Variants in DNAJC15 observed in about 807,000 individuals in gnomAD.
The protein encoded by DNAJC15 is dnaJ homolog subfamily C member 15.
In DNAJC15, 27 loss-of-function variants were observed where a neutral mutation model predicts 22.4. That is an observed-to-expected ratio of 1.20 (90% CI 0.89 to 1.66). The LOEUF is 1.66. Ranked by LOEUF, DNAJC15 falls within the 40% of genes most tolerant of loss-of-function variation. DNAJC15 has a pLI of 0.00. For missense variants in DNAJC15, 208 were observed against 187.1 expected (o/e 1.11, Z -0.65); for synonymous variants, 79 against 63.2 (o/e 1.25, Z -1.19).
In DNAJC15 at chr13:43,111,809, G is replaced by A. The variant is rs567984163; in HGVS notation, c.*4561G>A. ...ATGAGTAAATGTGTCAGCATAGTCCGTCCCTTCTAATGGAAAAGCAACCCA... is the reference window on the plus strand; with the variant it reads ...ATGAGTAAATGTGTCAGCATAGTCCATCCCTTCTAATGGAAAAGCAACCCA... On this transcript the variant is annotated 3_prime_UTR_variant, in exon 6 of 6. Transcript: ENST00000379221. 7.2e-5 allele frequency: 11 copies of A among 152,144 alleles called. No individual in the cohort carries two copies. Among genetic ancestry groups the A allele is most frequent in the Admixed American group, 1.3e-4 (2 of 15,280 alleles). The allele number at this position is 152,144 out of a possible 1,614,324, so 9.4% of individuals were successfully genotyped here.
chr13:43,064,372 T>A (rs922353271), intron 1 of DNAJC15, among the ~76,000 whole-genome samples: 1 of 152,234 alleles, frequency 6.6e-6, no homozygotes, highest in Non-Finnish European at 1.5e-5. Flanking sequence ...TGCCAATGGC[T>A]GAATGGCTTT....
rs555500899 is a variant in DNAJC15 at position 43,110,742 on chromosome 13, G to A, written c.*3494G>A. 3.7e-4 allele frequency: 56 copies of A among 152,196 alleles called. No homozygotes were observed. The highest frequency in any genetic ancestry group is 6.8e-3 in the Middle Eastern group (2 of 294). 9.4% of individuals were successfully genotyped at this position (152,196 alleles called of 1,614,324 possible). A position where few individuals can be genotyped will look rare whatever the true frequency, so the allele number is the denominator to read the frequency against. ...CTCTCTGAGAGCAAGGATCATATCA[G>A]TCTTGTTTATTGTTGCAGTGAACAA... is the stretch of plus-strand genomic sequence containing the variant. On this transcript the variant is annotated 3_prime_UTR_variant, in exon 6 of 6. Transcript: ENST00000379221.
chr13:43,025,795 T>G (rs1326577833), intron 1 of DNAJC15, among the ~76,000 whole-genome samples: 1 of 151,988 alleles, frequency 6.6e-6, no homozygotes, highest in African/African-American at 2.4e-5. Context: ...TTCCAGCTAG[T>G]AGGGAGGCTG....
intron 1 of DNAJC15, among the ~76,000 whole-genome samples, chr13:43,061,266 AGTGGGTGGGAGTG>A (rs1359873558): frequency 2.0e-5 from 3 of 151,954 alleles, no homozygotes; most frequent in Non-Finnish European, 4.4e-5. Flanking sequence ...TCAGTGGGGG[AGTGGGTGGGAGTG>A]GTCAGATGAG....
intron 1 of DNAJC15, among the ~76,000 whole-genome samples, chr13:43,064,916 A>G (rs1469074943): frequency 1.3e-5 from 2 of 151,914 alleles, no homozygotes; most frequent in Non-Finnish European, 2.9e-5. Flanking sequence ...ACCTAAATCT[A>G]AGGGAGGCTT....
rs1025620132 is a variant in DNAJC15, at chr13:43,111,499, T to G, written c.*4251T>G. ...GGGAACCTTGAACACAGAAAAGAGC[T>G]TTTATTGATAAGGTAATTGAACACA... is the stretch of plus-strand genomic sequence containing the variant. On this transcript the variant is annotated 3_prime_UTR_variant, in exon 6 of 6. Transcript: ENST00000379221. The G allele has an allele frequency of 6.6e-6, 1 of 152,178 alleles. No individual in the cohort carries two copies. The highest frequency in any genetic ancestry group is 6.5e-5 in the Admixed American group (1 of 15,278). 9.4% of individuals were successfully genotyped at this position (152,178 alleles called of 1,614,324 possible).
At chr13:43,086,322 G>T (rs1265392903) in intron 5 of DNAJC15, among the ~76,000 whole-genome samples, 3 of 152,176 alleles carry the variant, frequency 2.0e-5, no homozygotes. Context: ...GGTTTTTAAT[G>T]TAAATTTATC....
chr13:43,077,431 A>C (rs1333445901), intron 3 of DNAJC15, among the ~76,000 whole-genome samples: 1 of 152,210 alleles, frequency 6.6e-6, no homozygotes, highest in Non-Finnish European at 1.5e-5. Flanking sequence ...CCAATCTCAC[A>C]ATAACCTCTA....
rs997039411 is a variant in DNAJC15 at position 43,023,706 on chromosome 13, C to T, written c.80C>T (p.Pro27Leu). The stretch of plus-strand genomic sequence containing the variant: ...TACTTGCAGCCCTCGGCCAAACGGC[C>T]AGACGCCGACGTCGACCAGCAGAGA... ...AEYLQPSAKR[P>L]DADVDQQRLV... Residue 27 changes from proline to leucine, a missense_variant, in exon 1 of 6, where the codon CCA becomes CTA. Transcript: ENST00000379221. 11 of 1,611,792 alleles carry T rather than the reference C, an allele frequency of 6.8e-6. No individual in the cohort carries two copies. Among genetic ancestry groups the T allele is most frequent in the Non-Finnish European group, 7.6e-6 (9 of 1,179,188 alleles).
At position 43,043,200 on chromosome 13, in the gene DNAJC15, C is replaced by G. The variant is rs562129971; in HGVS notation, c.108+19466C>G. On this transcript the variant is annotated intron_variant, in intron 1 of 5. Transcript: ENST00000379221. ...TGGCTCACTGCAAACCTCCGTCTCC[C>G]GGGTTCAAGCGAGTCTCCCCCCTCA... 8.5e-5 allele frequency among the ~76,000 whole-genome samples: 13 copies of G among 152,314 alleles called. No individual in the cohort carries two copies. The South Asian group carries it at 2.7e-3, about 32-fold the overall frequency.
At chr13:43,042,017 T>G (rs1406558711) in intron 1 of DNAJC15, among the ~76,000 whole-genome samples, 2 of 152,182 alleles carry the variant, frequency 1.3e-5, no homozygotes, top group Admixed American at 6.5e-5. Flanking sequence ...CTTTAATGGT[T>G]GGATGTTTAC....
At chr13:43,024,893 T>TACAAAAAAAAAAAAAAA (rs2040372592) in intron 1 of DNAJC15, among the ~76,000 whole-genome samples, 1 of 85,946 alleles carries the variant, frequency 1.2e-5, no homozygotes, top group African/African-American at 4.6e-5. Flanking sequence ...CCATCTCTGC[T>TACAAAAAAAAAAAAAAA]AAAAAAAAAA....
Position 43,112,799 on chromosome 13 carries a change from A to G in DNAJC15, c.*5551A>G, listed in dbSNP as rs1247970703. On this transcript the variant is annotated 3_prime_UTR_variant, in exon 6 of 6. Transcript: ENST00000379221. ...TCAGACTCTGAATCGCATGCTGTTT[A>G]TATTATATTGCACTCATTCTAAATA... 2 of 152,114 alleles carry G rather than the reference A, an allele frequency of 1.3e-5. No individual in the cohort carries two copies. The highest frequency in any genetic ancestry group is 2.4e-5 in the African/African-American group (1 of 41,408). The allele number at this position is 152,114 out of a possible 1,614,324, so 9.4% of individuals were successfully genotyped here. A position where few individuals can be genotyped will look rare whatever the true frequency, so the allele number is the denominator to read the frequency against.
chr13:43,102,743 A>T (rs1205677603), intron 5 of DNAJC15, among the ~76,000 whole-genome samples: 6 of 152,116 alleles, frequency 3.9e-5, no homozygotes, highest in Admixed American at 6.6e-5. Flanking sequence ...GTCTGATTTG[A>T]TAAGTGAGTA....
At chr13:43,045,610 G>C (rs138443687) in intron 1 of DNAJC15, among the ~76,000 whole-genome samples, 3,486 of 152,232 alleles carry the variant, frequency 0.023, 149 homozygotes, top group African/African-American at 0.08. Flanking sequence ...GGGTAACATC[G>C]GGTTCTAAGT....
intron 1 of DNAJC15, among the ~76,000 whole-genome samples, chr13:43,044,484 C>T (rs2040467375): frequency 6.6e-6 from 1 of 152,128 alleles, no homozygotes. Flanking sequence ...CTCTCACAGT[C>T]CTTGCAGCAA....
At chr13:43,060,968 G>C (rs1426875056) in intron 1 of DNAJC15, among the ~76,000 whole-genome samples, 1 of 152,178 alleles carries the variant, frequency 6.6e-6, no homozygotes, top group East Asian at 1.9e-4. Flanking sequence ...TCCTGGGCAG[G>C]GGCAAATCCC....
intron 4 of DNAJC15, among the ~76,000 whole-genome samples, chr13:43,080,849 T>A (rs891774822): frequency 2.6e-5 from 4 of 152,244 alleles, no homozygotes; most frequent in African/African-American, 9.6e-5. Context: ...TCCTAACACA[T>A]TAAGTGGAAA....
At chr13:43,091,688 C>A (rs901407697) in intron 5 of DNAJC15, among the ~76,000 whole-genome samples, 1 of 141,750 alleles carries the variant, frequency 7.1e-6, no homozygotes, top group African/African-American at 2.5e-5. Flanking sequence ...AGTTTATTTG[C>A]TGTTCTTTTT....
Sources: gnomAD v4.1 joint callset for allele counts (sites outside exome capture counted in the v4.1 genomes callset) on GRCh38, gnomAD v4.1.1 for gene constraint, MANE v1.5 for transcripts, NCBI Gene and HGNC (gene_info 2026-07-23, HGNC 2026-07-21) for gene names.